FAM81A: variants seen among roughly 807,000 people sequenced by gnomAD.
FAM81A encodes family with sequence similarity 81 member A.
FAM81A carries 19 observed loss-of-function variants against 46.7 expected under a neutral mutation model. That is an observed-to-expected ratio of 0.41 (90% confidence interval 0.28 to 0.60). The LOEUF is 0.60. Among genes scored for constraint, FAM81A ranks in the 20% least tolerant of loss-of-function variants. FAM81A has a pLI of 0.34. For missense variants in FAM81A, 377 were observed against 453.5 expected (o/e 0.83, Z 1.53); for synonymous variants, 183 against 152.9 (o/e 1.20, Z -1.45).
intron 1 of FAM81A, among the ~76,000 whole-genome samples, chr15:59,457,297 A>G (rs1567051604): frequency 1.3e-5 from 2 of 152,238 alleles, no homozygotes; most frequent in Non-Finnish European, 2.9e-5. Flanking sequence ...CTTGTCCAGC[A>G]TATCCACACC....
chr15:59,510,037 T>C (rs572290854), intron 6 of FAM81A, among the ~76,000 whole-genome samples: 117 of 152,174 alleles, frequency 7.7e-4, no homozygotes, highest in African/African-American at 2.4e-3. Flanking sequence ...CAGACAAGCA[T>C]ACAGAATTGA....
intron 7 of FAM81A, among the ~76,000 whole-genome samples, chr15:59,515,432 C>T (rs899818044): frequency 1.3e-5 from 2 of 152,062 alleles, no homozygotes; most frequent in Non-Finnish European, 1.5e-5. Context: ...TGCAGTACAT[C>T]TCTGACTCTG....
chr15:59,458,969 A>G (rs1447890884), intron 2 of FAM81A, among the ~76,000 whole-genome samples: 2 of 152,232 alleles, frequency 1.3e-5, no homozygotes, highest in Non-Finnish European at 2.9e-5. Context: ...AAATTGGCTC[A>G]TGAAGTACAT....
At chr15:59,465,008 G>A (rs1336012225) in intron 3 of FAM81A, among the ~76,000 whole-genome samples, 2 of 152,094 alleles carry the variant, frequency 1.3e-5, no homozygotes, top group African/African-American at 4.8e-5. Context: ...AGAGGTGGGG[G>A]CCTAGTTTAA....
chr15:59,469,926 C>T (rs1220581794), intron 3 of FAM81A, among the ~76,000 whole-genome samples: 3 of 152,150 alleles, frequency 2.0e-5, no homozygotes, highest in African/African-American at 7.2e-5. Context: ...GACAAAATCT[C>T]TCAGCATTTG....
intron 1 of FAM81A, among the ~76,000 whole-genome samples, chr15:59,438,841 A>G (rs1220617264): frequency 6.6e-6 from 1 of 152,176 alleles, no homozygotes; most frequent in East Asian, 1.9e-4. Context: ...CTAAAGTGGT[A>G]AGAAATGTTA....
rs144086056 is a variant in FAM81A, at chr15:59,423,621, C to G, written c.-78+21263C>G. ...AGGGAATTATGGAGAAACGTAAACT[C>G]TTAGGAAGCAATAAAATGGATACAC... is the stretch of plus-strand genomic sequence containing the variant. On this transcript the variant is annotated intron_variant, in intron 2 of 4. Transcript: ENST00000558348. 3.4e-3 allele frequency among the ~76,000 whole-genome samples: 517 copies of G among 152,122 alleles called. 5 individuals carry two copies. Among genetic ancestry groups the G allele is most frequent in the African/African-American group, 0.012 (486 of 41,486 alleles).
rs552862289 is a variant in FAM81A, at chr15:59,472,679, G to A, written c.294+12473G>A. Among the ~76,000 whole-genome samples the A allele has an allele frequency of 4.6e-5, 7 of 151,930 alleles. No individual in the cohort carries two copies. In the South Asian group the frequency reaches 1.2e-3, roughly 27 times the overall value. ...GATCCTCCCACCTCAGCCTCCTGAG[G>A]AGCTGAGACTACAGGCACAGGCCAC... is the stretch of plus-strand genomic sequence containing the variant. On this transcript the variant is annotated intron_variant, in intron 3 of 8. Transcript: ENST00000288228.
At chr15:59,464,991 T>C (rs2081595126) in intron 3 of FAM81A, among the ~76,000 whole-genome samples, 2 of 152,210 alleles carry the variant, frequency 1.3e-5, no homozygotes, top group Non-Finnish European at 2.9e-5. Flanking sequence ...TATTTTTGTA[T>C]TGGGTGAGAG....
intron 3 of FAM81A, among the ~76,000 whole-genome samples, chr15:59,492,055 G>T (rs1244943608): frequency 6.6e-6 from 1 of 152,182 alleles, no homozygotes; most frequent in Non-Finnish European, 1.5e-5. Flanking sequence ...GTTTTTAATG[G>T]TAAATAAAGG....
chr15:59,516,917 C>T, intron 8 of FAM81A, 77 bp downstream of exon 8: 2 of 1,327,580 alleles, frequency 1.5e-6, no homozygotes, highest in Non-Finnish European at 2.0e-6. Flanking sequence ...TCCCCTGCAA[C>T]TACCTATGAA....
chr15:59,432,906 T>A (rs1436087976), intron 2 of FAM81A, among the ~76,000 whole-genome samples: 3 of 150,080 alleles, frequency 2.0e-5, no homozygotes, highest in African/African-American at 7.4e-5. Flanking sequence ...GAGGCTGAGG[T>A]GGGCAGATCA....
intron 4 of FAM81A, among the ~76,000 whole-genome samples, chr15:59,498,912 T>G (rs2082062025): frequency 6.6e-6 from 1 of 152,102 alleles, no homozygotes. Context: ...GCCTCGGCCT[T>G]AGGATCACTT....
At chr15:59,444,563 C>G (rs8024853) in intron 1 of FAM81A, among the ~76,000 whole-genome samples, 87,790 of 152,036 alleles carry the variant, frequency 0.58, 25,625 homozygotes, top group Non-Finnish European at 0.62. Flanking sequence ...AGTAGTTTCT[C>G]CAGCTCCCTT....
intron 3 of FAM81A, among the ~76,000 whole-genome samples, 187 bp from the exon 4 acceptor site, chr15:59,492,084 C>A (rs1341418574): frequency 6.6e-6 from 1 of 152,178 alleles, no homozygotes; most frequent in Non-Finnish European, 1.5e-5. Context: ...CTGGGAGGAG[C>A]CTCTAAGGTC....
intron 2 of FAM81A, among the ~76,000 whole-genome samples, chr15:59,406,393 G>A (rs1201568247): frequency 6.6e-6 from 1 of 152,174 alleles, no homozygotes; most frequent in African/African-American, 2.4e-5. Context: ...AGTTCACATG[G>A]TTTGCGAGCA....
intron 3 of FAM81A, among the ~76,000 whole-genome samples, chr15:59,473,506 G>A (rs146642450): frequency 8.7e-4 from 132 of 152,266 alleles, no homozygotes; most frequent in African/African-American, 3.1e-3. Context: ...GGGTGCCAGG[G>A]TATGTTACAA....
chr15:59,515,397 T>C (rs1265159997), intron 7 of FAM81A, among the ~76,000 whole-genome samples: 1 of 152,216 alleles, frequency 6.6e-6, no homozygotes, highest in East Asian at 1.9e-4. Context: ...TTGTTGGATA[T>C]TGATGATTGA....
chr15:59,413,417 AACACAC>A (rs535000983), intron 2 of FAM81A, among the ~76,000 whole-genome samples: 2,225 of 134,466 alleles, frequency 0.017, 22 homozygotes, highest in Middle Eastern at 0.044. Context: ...GAGAGCATTA[AACACAC>A]ACACACACAC....
Sources: allele counts gnomAD v4.1 joint callset (sites outside exome capture counted in the v4.1 genomes callset), GRCh38; gene constraint gnomAD v4.1.1; transcripts MANE v1.5; gene names NCBI Gene and HGNC (gene_info 2026-07-23, HGNC 2026-07-21).